CCSER1: variants seen among roughly 807,000 people sequenced by gnomAD.
CCSER1 encodes the protein coiled-coil serine rich protein 1, also known as serine-rich coiled-coil domain-containing protein 1.
Under a neutral mutation model 82.0 loss-of-function variants are expected in CCSER1, and 41 were observed. The observed-to-expected ratio is 0.50, with a 90% CI of 0.39 to 0.65. The LOEUF (loss-of-function observed/expected upper bound fraction) is 0.65. Among genes scored for constraint, CCSER1 ranks in the 30% least tolerant of loss-of-function variants. CCSER1 has a pLI of 0.00. For missense variants in CCSER1, 1,119 were observed against 1,064.2 expected, an observed-to-expected ratio of 1.05 and a Z score of -0.72; for synonymous variants, 414 against 383.9, an observed-to-expected ratio of 1.08 and a Z score of -0.92.
chr4:91,024,953 TA>T (rs1740356663), intron 9 of CCSER1, among the ~76,000 whole-genome samples: 1 of 152,088 alleles, frequency 6.6e-6, no homozygotes, highest in Admixed American at 6.6e-5. Flanking sequence ...TACAATCATA[TA>T]AAAAAGCTCA....
chr4:90,570,651 G>A (rs919129900), intron 5 of CCSER1, among the ~76,000 whole-genome samples: 1 of 152,082 alleles, frequency 6.6e-6, no homozygotes, highest in Non-Finnish European at 1.5e-5. Flanking sequence ...AATGGGTGCA[G>A]CACCAGCAGT....
intron 7 of CCSER1, among the ~76,000 whole-genome samples, chr4:90,814,726 C>T (rs1758776304): frequency 6.6e-6 from 1 of 152,194 alleles, no homozygotes; most frequent in South Asian, 2.1e-4. Flanking sequence ...AGGCTCTTTG[C>T]TAAAGCATAG....
chr4:90,234,565 T>C (rs145524197), intron 1 of CCSER1, among the ~76,000 whole-genome samples: 2 of 152,256 alleles, frequency 1.3e-5, no homozygotes, highest in Non-Finnish European at 2.9e-5. Flanking sequence ...ATTGATACAT[T>C]CTGTGAGACC....
chr4:90,211,598 G>A (rs1740011894), intron 1 of CCSER1, among the ~76,000 whole-genome samples: 1 of 152,206 alleles, frequency 6.6e-6, no homozygotes, highest in Non-Finnish European at 1.5e-5. Flanking sequence ...AAATCACATT[G>A]AAGGAAAGCT....
At chr4:90,704,583 C>A (rs1738912046) in intron 6 of CCSER1, among the ~76,000 whole-genome samples, 2 of 152,190 alleles carry the variant, frequency 1.3e-5, no homozygotes, top group Admixed American at 1.3e-4. Context: ...CAAGTTGGTT[C>A]CATTCTCCCC....
At chr4:91,540,780 C>T (rs1396744607) in intron 10 of CCSER1, among the ~76,000 whole-genome samples, 1 of 152,094 alleles carries the variant, frequency 6.6e-6, no homozygotes, top group Non-Finnish European at 1.5e-5. Flanking sequence ...CCAGTTATTC[C>T]AGCACCATTC....
intron 9 of CCSER1, among the ~76,000 whole-genome samples, chr4:90,985,895 G>A (rs959816928): frequency 4.6e-5 from 7 of 151,824 alleles, no homozygotes; most frequent in South Asian, 2.1e-4. Flanking sequence ...TATTAGACCA[G>A]TTAACTAATA....
chr4:91,311,442 A>G (rs1342224399), intron 10 of CCSER1, among the ~76,000 whole-genome samples: 1 of 151,850 alleles, frequency 6.6e-6, no homozygotes, highest in East Asian at 1.9e-4. Context: ...TTTTTTTCCT[A>G]ATAGTAGATG....
intron 5 of CCSER1, among the ~76,000 whole-genome samples, chr4:90,487,565 A>G (rs1332055829): frequency 1.3e-5 from 2 of 152,254 alleles, no homozygotes; most frequent in African/African-American, 4.8e-5. Flanking sequence ...AGGTCTTTGC[A>G]CAACACCAGA....
In CCSER1 at chr4:90,308,416, C is replaced by G. The variant is rs34706417; in HGVS notation, c.132C>G (p.Ser44=). Residue 44 remains serine, a synonymous_variant, in exon 2 of 11, where the codon TCC becomes TCG. Transcript: ENST00000509176. ...GTAATACAGTTGGTGTCCACAGTTC[C>G]TCTCCTTCCAGCACTAACTCAAGCT... ...SSSNTVGVHS[S]SPSSTNSSSG... The G allele has an allele frequency of 4.0e-4, 644 of 1,613,800 alleles. 3 individuals carry two copies. In the African/African-American group the frequency reaches 7.8e-3, roughly 19 times the overall value.
intron 10 of CCSER1, among the ~76,000 whole-genome samples, chr4:91,352,538 C>G (rs1335953897): frequency 2.0e-5 from 3 of 152,134 alleles, no homozygotes; most frequent in Admixed American, 6.5e-5. Context: ...GCCACCGTGC[C>G]CGGCAGGAAG....
chr4:91,109,102 C>T (rs775732248), intron 10 of CCSER1, among the ~76,000 whole-genome samples: 5 of 152,164 alleles, frequency 3.3e-5, no homozygotes, highest in Non-Finnish European at 5.9e-5. Flanking sequence ...AACACCCCCA[C>T]CCCATTCTTA....
intron 8 of CCSER1, among the ~76,000 whole-genome samples, chr4:90,837,709 A>G (rs1360314761): frequency 1.3e-5 from 2 of 152,194 alleles, no homozygotes; most frequent in Non-Finnish European, 2.9e-5. Flanking sequence ...AACTGACTTC[A>G]TACTTGTATG....
intron 8 of CCSER1, among the ~76,000 whole-genome samples, chr4:90,872,643 G>C (rs1213323502): frequency 6.6e-6 from 1 of 151,820 alleles, no homozygotes; most frequent in Non-Finnish European, 1.5e-5. Flanking sequence ...GCTATCAGTA[G>C]TATACATCCC....
intron 10 of CCSER1, among the ~76,000 whole-genome samples, chr4:91,572,851 G>C (rs1255090749): frequency 6.6e-6 from 1 of 151,328 alleles, no homozygotes; most frequent in Non-Finnish European, 1.5e-5. Flanking sequence ...TTTCTTGGTA[G>C]AGCAGCTGTG....
chr4:90,408,877 A>G (rs1754192115), intron 4 of CCSER1, among the ~76,000 whole-genome samples: 1 of 152,144 alleles, frequency 6.6e-6, no homozygotes, highest in Admixed American at 6.5e-5. Context: ...GAAGTTAAAA[A>G]CTGAAAACAA....
chr4:90,827,475 C>T (rs952735853), intron 8 of CCSER1, among the ~76,000 whole-genome samples: 1 of 152,028 alleles, frequency 6.6e-6, no homozygotes, highest in Admixed American at 6.6e-5. Context: ...GTAATGATAA[C>T]AAAACAGAAA....
intron 5 of CCSER1, among the ~76,000 whole-genome samples, chr4:90,579,195 T>C (rs1359955778): frequency 2.0e-5 from 3 of 152,192 alleles, no homozygotes; most frequent in Non-Finnish European, 2.9e-5. Flanking sequence ...GTTCAAATCA[T>C]CTTTTTTTGT....
At chr4:90,458,963 CAAT>C (rs1560548896) in intron 4 of CCSER1, among the ~76,000 whole-genome samples, 1 of 152,054 alleles carries the variant, frequency 6.6e-6, no homozygotes, top group Admixed American at 6.5e-5. Flanking sequence ...AATTTATCAG[CAAT>C]AATAATTGTT....
Sources: gnomAD v4.1 joint callset for allele counts (sites outside exome capture counted in the v4.1 genomes callset) on GRCh38, gnomAD v4.1.1 for gene constraint, MANE v1.5 for transcripts, NCBI Gene and HGNC (gene_info 2026-07-23, HGNC 2026-07-21) for gene names.